TAFA2: variants seen among roughly 807,000 people sequenced by gnomAD.
The protein encoded by TAFA2 is TAFA chemokine like family member 2, also known as chemokine-like protein TAFA-2.
Under a neutral mutation model 18.8 loss-of-function variants are expected in TAFA2, and 7 were observed. The observed-to-expected ratio is 0.37, with a 90% CI of 0.21 to 0.70. The LOEUF (loss-of-function observed/expected upper bound fraction) is 0.70. Ranked by LOEUF, TAFA2 falls within the 30% of genes least tolerant of loss-of-function variation. The probability of loss-of-function intolerance (pLI) is 0.53; values close to 1 mark genes in which losing one functional copy is unlikely to be tolerated. For synonymous variants in TAFA2, 60 were observed against 54.2 expected, an observed-to-expected ratio of 1.11 and a Z score of -0.47; for missense variants, 122 against 158.1, an observed-to-expected ratio of 0.77 and a Z score of 1.23.
chr12:62,110,219 G>T (rs761007879), intron 1 of TAFA2, among the ~76,000 whole-genome samples: 29 of 152,108 alleles, frequency 1.9e-4, no homozygotes, highest in Non-Finnish European at 3.8e-4. Context: ...GGCCTTTTCT[G>T]CATCTACTGA....
intron 1 of TAFA2, among the ~76,000 whole-genome samples, chr12:62,004,192 C>T (rs1012074862): frequency 4.6e-5 from 7 of 152,012 alleles, no homozygotes; most frequent in African/African-American, 1.4e-4. Context: ...AGCAGCCATA[C>T]ATAATTAAAG....
intron 1 of TAFA2, among the ~76,000 whole-genome samples, chr12:61,873,891 T>G (rs1874726970): frequency 6.6e-6 from 1 of 152,134 alleles, no homozygotes; most frequent in Non-Finnish European, 1.5e-5. Flanking sequence ...ATATGGATAT[T>G]AAAGCACAAG....
At chr12:62,099,205 T>C (rs1869080090) in intron 1 of TAFA2, among the ~76,000 whole-genome samples, 2 of 152,090 alleles carry the variant, frequency 1.3e-5, no homozygotes. Context: ...AGTGTAAGTC[T>C]ATAGAACATC....
rs544686663 is a variant in TAFA2, at chr12:61,825,605, C to A, written c.106+41715G>T. Among the ~76,000 whole-genome samples the A allele has an allele frequency of 5.5e-4, 84 of 152,064 alleles. 3 individuals carry two copies. In the South Asian group the frequency reaches 0.017, roughly 30 times the overall value. ...AGTAGGTTAGTAGAAAAAATGGAGT[C>A]AAACGACAAAGCAACAAGGATCTTG... On this transcript the variant is annotated intron_variant, in intron 2 of 4. Transcript: ENST00000416284.
chr12:61,864,087 A>C (rs1408359704), intron 2 of TAFA2, among the ~76,000 whole-genome samples: 1 of 152,172 alleles, frequency 6.6e-6, no homozygotes, highest in Non-Finnish European at 1.5e-5. Context: ...CGTAAACAAG[A>C]ATTCCTGACT....
chr12:61,756,805 T>C (rs933303428), intron 2 of TAFA2, among the ~76,000 whole-genome samples: 9 of 152,066 alleles, frequency 5.9e-5, no homozygotes, highest in Admixed American at 6.6e-5. Context: ...ATCCGAATCA[T>C]GAGCTGAATA....
rs1405282323 is a variant in TAFA2, at chr12:61,728,665, T to C, written c.385-18248A>G. Among the ~76,000 whole-genome samples the C allele has an allele frequency of 2.1e-5, 3 of 143,618 alleles. No homozygotes were observed. In the East Asian group the frequency reaches 6.7e-4, roughly 32 times the overall value. 94.2% of individuals were successfully genotyped at this position (143,618 alleles called of 152,430 possible). A position where few individuals can be genotyped will look rare whatever the true frequency, so the allele number is the denominator to read the frequency against. ...TTGAAGACAGCAGATACTTGGTTGGTGACTTCTATCCATTCTGCCATTCTG... is the reference window on the plus strand; with the variant it reads ...TTGAAGACAGCAGATACTTGGTTGGCGACTTCTATCCATTCTGCCATTCTG... On this transcript the variant is annotated intron_variant, in intron 4 of 4. Coordinates refer to ENST00000416284, the MANE Select transcript of TAFA2 (RefSeq NM_178539.5).
chr12:62,030,380 G>A (rs1392819352), intron 1 of TAFA2, among the ~76,000 whole-genome samples: 3 of 152,136 alleles, frequency 2.0e-5, no homozygotes, highest in Admixed American at 1.3e-4. Flanking sequence ...GTTAATATGG[G>A]AGAAATAGAA....
chr12:61,958,130 G>T (rs1565696069), intron 1 of TAFA2, among the ~76,000 whole-genome samples: 1 of 152,026 alleles, frequency 6.6e-6, no homozygotes, highest in African/African-American at 2.4e-5. Context: ...TATGTATACA[G>T]AATTTACTTT....
intron 4 of TAFA2, among the ~76,000 whole-genome samples, chr12:61,711,629 C>T (rs1161837106): frequency 6.6e-6 from 1 of 151,652 alleles, no homozygotes; most frequent in African/African-American, 2.4e-5. Flanking sequence ...CTAGACTTTG[C>T]TATGGCTAGT....
chr12:62,246,314 C>CTATG (rs2062886251), intron 1 of TAFA2, among the ~76,000 whole-genome samples: 1 of 152,112 alleles, frequency 6.6e-6, no homozygotes, highest in Admixed American at 6.5e-5. Flanking sequence ...TTTCTATATG[C>CTATG]TATGTAATCT....
intron 1 of TAFA2, among the ~76,000 whole-genome samples, chr12:62,099,097 G>T (rs2136845947): frequency 6.6e-6 from 1 of 152,238 alleles, no homozygotes; most frequent in East Asian, 1.9e-4. Flanking sequence ...AAAATGCCAT[G>T]ACAGAAAGAG....
At chr12:61,877,082 G>A (rs1198865563) in intron 1 of TAFA2, among the ~76,000 whole-genome samples, 2 of 152,184 alleles carry the variant, frequency 1.3e-5, no homozygotes, top group African/African-American at 4.8e-5. Flanking sequence ...TCAGCTTTCA[G>A]CTAACAGCTT....
At chr12:61,822,940 G>A (rs1378118559) in intron 2 of TAFA2, among the ~76,000 whole-genome samples, 3 of 152,050 alleles carry the variant, frequency 2.0e-5, no homozygotes, top group Non-Finnish European at 2.9e-5. Flanking sequence ...TTTTAAAAGT[G>A]TTTCATGTCT....
intron 1 of TAFA2, among the ~76,000 whole-genome samples, chr12:62,105,541 C>G (rs1296053862): frequency 6.6e-6 from 1 of 152,124 alleles, no homozygotes; most frequent in Admixed American, 6.5e-5. Context: ...CTAAATAATG[C>G]ATGTTACTCT....
At chr12:62,168,411 G>A (rs2062454318) in intron 1 of TAFA2, among the ~76,000 whole-genome samples, 1 of 152,156 alleles carries the variant, frequency 6.6e-6, no homozygotes, top group African/African-American at 2.4e-5. Flanking sequence ...AAATAAAGAG[G>A]TTAAAAACAT....
intron 1 of TAFA2, among the ~76,000 whole-genome samples, chr12:61,928,989 C>G (rs1027029692): frequency 6.6e-6 from 1 of 151,836 alleles, no homozygotes; most frequent in African/African-American, 2.4e-5. Flanking sequence ...AGGGGAACAT[C>G]ACACACTGAG....
chr12:62,088,293 G>A (rs1293794755), intron 1 of TAFA2, among the ~76,000 whole-genome samples: 1 of 150,724 alleles, frequency 6.6e-6, no homozygotes, highest in African/African-American at 2.4e-5. Flanking sequence ...CTATGTAAAT[G>A]TACTAAAACT....
At chr12:61,869,752 T>C (rs1247394852) in intron 1 of TAFA2, among the ~76,000 whole-genome samples, 5 of 152,208 alleles carry the variant, frequency 3.3e-5, no homozygotes, top group Non-Finnish European at 7.3e-5. Flanking sequence ...TCTTCCGTTC[T>C]ATTGCCTTTG....
Sources: gnomAD v4.1 joint callset for allele counts (sites outside exome capture counted in the v4.1 genomes callset) on GRCh38, gnomAD v4.1.1 for gene constraint, MANE v1.5 for transcripts, NCBI Gene and HGNC (gene_info 2026-07-23, HGNC 2026-07-21) for gene names.